The following RNF213 variants were observed in gnomAD, a reference collection of about 807,000 sequenced individuals.
RNF213 encodes the protein ring finger protein 213.
A neutral mutation model predicts 514.4 loss-of-function variants in RNF213; 341 were observed. The ratio of observed to expected loss-of-function variants is 0.66; its 90% CI spans 0.61 to 0.73. The LOEUF (loss-of-function observed/expected upper bound fraction) is 0.73. RNF213 is among the 30% of genes least tolerant of loss of function. RNF213 has a pLI of 0.00. For missense variants in RNF213, 5,767 were observed against 6,615.6 expected (o/e 0.87, Z 4.45); for synonymous variants, 2,655 against 2,658.2 (o/e 1.00, Z 0.04).
chr17:80,381,047 A>G (rs2079979027), intron 56 of RNF213, 60 bp downstream of exon 56: 3 of 1,570,204 alleles, frequency 1.9e-6, no homozygotes, highest in African/African-American at 1.3e-5. Flanking sequence ...GCTTCTTCCC[A>G]GGGAGTCCTT....
Position 80,350,740 on chromosome 17 carries a change from A to G in RNF213, c.10184+344A>G, listed in dbSNP as rs566965878. Among the ~76,000 whole-genome samples, 239 of 152,366 alleles carry G rather than the reference A, an allele frequency of 1.6e-3. 2 individuals are homozygous for G. Among genetic ancestry groups the G allele is most frequent in the Non-Finnish European group, 2.1e-3 (146 of 68,040 alleles). ...CTTGAGCCTGGGAGGTCAAGGCTGC[A>G]GTGAACTGCGATCCCACCACTGCAG... On this transcript the variant is annotated intron_variant, in intron 31 of 67. Coordinates refer to ENST00000582970, the MANE Select transcript of RNF213 (RefSeq NM_001256071.3).
rs144367158 is a variant in RNF213, at chr17:80,386,849, C to A, written c.14880C>A (p.Ile4960=). 2 of 1,613,902 alleles carry A rather than the reference C, an allele frequency of 1.2e-6. No homozygotes were observed. Among genetic ancestry groups the A allele is most frequent in the South Asian group, 2.2e-5 (2 of 91,064 alleles). ...ATCTGGAGAAGATTCAGCGGCAGAT[C>A]GTCAGCCGCTTCCTCCAGGGCAAGC... ...EFDLEKIQRQ[I]VSRFLQGKPR... is the part of the protein sequence containing the mutation. Residue 4960 remains isoleucine, a synonymous_variant, in exon 63 of 68, where the codon ATC becomes ATA. Coordinates refer to ENST00000582970, the MANE Select transcript of RNF213 (RefSeq NM_001256071.3).
Position 80,358,341 on chromosome 17 carries a change from TG to T in RNF213, c.10917del (p.Met3639IlefsTer11). ...GCTGTCACCCCTCTGCTGGCGAGCA[TG>T]ATATCATTCATCGACAGAGACGGCA... ...QGAVTPLLAS[M>X]ISFIDRDGNL... On this transcript the variant is annotated frameshift_variant, in exon 37 of 68. Transcript: ENST00000582970. LOFTEE classifies it high-confidence loss of function. 1 of 1,614,092 alleles carries T rather than the reference TG, an allele frequency of 6.2e-7. No individual in the cohort carries two copies. The highest frequency in any genetic ancestry group is 8.5e-7 in the Non-Finnish European group (1 of 1,180,012).
At chr17:80,381,842 T>TTG in intron 57 of RNF213, 115 bp downstream of exon 57, 1 of 1,011,190 alleles carries the variant, frequency 9.9e-7, no homozygotes, top group South Asian at 1.4e-5. Context: ...GTCTGTGCTG[T>TTG]TGCTGGAAAG....
chr17:80,278,868 C>A (rs1244520442), intron 3 of RNF213: 28 of 1,537,104 alleles, frequency 1.8e-5, no homozygotes, highest in Non-Finnish European at 2.2e-5. Flanking sequence ...AGGATGCAGC[C>A]CCGCTTGAGG....
chr17:80,392,004 G>C (rs2080494798), intron 67 of RNF213, among the ~76,000 whole-genome samples: 1 of 151,898 alleles, frequency 6.6e-6, no homozygotes. Context: ...CTGACCTCAA[G>C]TGATCTGCCC....
chr17:80,291,632 T>G lies in RNF213; in HGVS notation c.1276T>G (p.Leu426Val). 6.2e-7 allele frequency: 1 copy of G among 1,614,232 alleles called. No individual in the cohort carries two copies. Among genetic ancestry groups the G allele is most frequent in the South Asian group, 1.1e-5 (1 of 91,090 alleles). The change falls in exon 8 of 68, where the codon TTG (leucine) becomes GTG (valine). Residue 426 changes from leucine to valine, a missense_variant. By Grantham distance (32) the Leu-to-Val change is conservative (BLOSUM62 1). Transcript: ENST00000582970. Reference protein sequence around the residue: ...NICELHYTRDLGHDRVLVEGI... With the variant: ...NICELHYTRDVGHDRVLVEGI... ...CCGTATCCTGTTCATTCACAGAGACTTGGGTCATGACCGCGTTCTTGTTGA... is the reference window on the plus strand; with the variant it reads ...CCGTATCCTGTTCATTCACAGAGACGTGGGTCATGACCGCGTTCTTGTTGA...
At chr17:80,305,864 C>G (rs1406933610) in intron 11 of RNF213, among the ~76,000 whole-genome samples, 1 of 152,172 alleles carries the variant, frequency 6.6e-6, no homozygotes, top group Non-Finnish European at 1.5e-5. Context: ...AACTGATCCA[C>G]CTGCCTCAGC....
chr17:80,314,175 GTGA>G (rs2045732100), intron 15 of RNF213, among the ~76,000 whole-genome samples: 1 of 122,332 alleles, frequency 8.2e-6, no homozygotes, highest in Admixed American at 7.5e-5. Context: ...GATGGTGGAG[GTGA>G]TGGTGGTGGT....
At chr17:80,386,953 G>A (rs1189827840) in intron 63 of RNF213, 62 bp downstream of exon 63, 3 of 1,498,568 alleles carry the variant, frequency 2.0e-6, no homozygotes, top group African/African-American at 1.4e-5. Flanking sequence ...AGCAGCCCTT[G>A]GTGTGTTTCT....
At position 80,307,174 on chromosome 17, in the gene RNF213, T is replaced by C; in HGVS notation, c.2474T>C (p.Leu825Ser). 6.2e-7 allele frequency: 1 copy of C among 1,613,930 alleles called. No homozygotes were observed. Among genetic ancestry groups the C allele is most frequent in the Non-Finnish European group, 8.5e-7 (1 of 1,179,924 alleles). The change falls in exon 13 of 68, where the codon TTG becomes TCG. Residue 825 changes from leucine to serine, a missense_variant. Leu to Ser is a moderately radical substitution (Grantham distance 145). This residue lies in a region of RNF213 where 592 missense variants were observed against 673.9 expected (regional missense o/e 0.88). Transcript: ENST00000582970. ...GTTCAGAACATTTTAGAAATGCTGT[T>C]GCGACTCCTGGACACTTACCGGGAC... ...QNVQNILEML[L>S]RLLDTYRDKI...
At chr17:80,366,576 G>A (rs1295911563) in intron 42 of RNF213, among the ~76,000 whole-genome samples, 1 of 151,954 alleles carries the variant, frequency 6.6e-6, no homozygotes, top group African/African-American at 2.4e-5. Context: ...TTTTTGAATT[G>A]GGTTGTTGAT....
Position 80,345,146 on chromosome 17 carries a change from G to A in RNF213, c.6811G>A (p.Asp2271Asn). 1.2e-6 allele frequency: 2 copies of A among 1,613,980 alleles called. No homozygotes were observed. Among genetic ancestry groups the A allele is most frequent in the Non-Finnish European group, 1.7e-6 (2 of 1,179,994 alleles). ...DFATPSLHTS[D>N]QSPGKHMVTM... is the part of the protein sequence containing the mutation. ...TGCCACACCATCACTCCACACCTCT[G>A]ACCAAAGCCCGGGGAAGCACATGGT... Residue 2271 changes from aspartate to asparagine, a missense_variant, in exon 29 of 68, where the codon GAC (aspartate) becomes AAC (asparagine). Coordinates refer to ENST00000582970, the MANE Select transcript of RNF213 (RefSeq NM_001256071.3). The surrounding 1 kb of genome is among the most constrained non-coding windows in gnomAD (Gnocchi z 6.0).
intron 32 of RNF213, chr17:80,352,677 A>G (rs145622326): frequency 1.2e-4 from 78 of 627,480 alleles, no homozygotes; most frequent in African/African-American, 1.1e-3. Flanking sequence ...GGCCTTATCC[A>G]TGCGTCCTTC....
rs1028643944 is a variant in RNF213 at position 80,293,282 on chromosome 17, G to A, written c.1472-1438G>A. 7.3e-5 allele frequency among the ~76,000 whole-genome samples: 11 copies of A among 151,590 alleles called. 1 individual carries two copies. The highest frequency in any genetic ancestry group is 1.3e-4 in the Admixed American group (2 of 15,224). ...TTGCTGTGTTGCCCAGTCTGGTCTC[G>A]AACTCCTGGGCTCAAGCAATCCGCC... On this transcript the variant is annotated intron_variant, in intron 8 of 67. Transcript: ENST00000582970.
At chr17:80,340,384 C>A in intron 26 of RNF213, 28 bp downstream of exon 26, 2 of 1,581,722 alleles carry the variant, frequency 1.3e-6, no homozygotes, top group Non-Finnish European at 1.7e-6. Flanking sequence ...GTGGGCAGGC[C>A]CCGTCTCCCA....
intron 50 of RNF213, among the ~76,000 whole-genome samples, chr17:80,375,536 C>T (rs1404378208): frequency 3.7e-5 from 4 of 108,998 alleles, no homozygotes; most frequent in Non-Finnish European, 9.1e-5. Flanking sequence ...CCCGTGTCTA[C>T]TAAAAGAAAA....
intron 60 of RNF213, among the ~76,000 whole-genome samples, 161 bp from the exon 61 acceptor site, chr17:80,385,377 G>T (rs908358129): frequency 2.6e-5 from 4 of 152,164 alleles, no homozygotes; most frequent in African/African-American, 9.7e-5. Context: ...TCCCTCTCTA[G>T]CTCCTCAAAC....
At chr17:80,391,617 G>A (rs767419604) in intron 67 of RNF213, among the ~76,000 whole-genome samples, 2 of 151,830 alleles carry the variant, frequency 1.3e-5, no homozygotes, top group Non-Finnish European at 2.9e-5. Context: ...ATAGAACAGG[G>A]GTTCATCTTC....
Sources: gnomAD v4.1 joint callset for allele counts (sites outside exome capture counted in the v4.1 genomes callset) on GRCh38, gnomAD v4.1.1 for gene constraint, gnomAD v4.1.1 regional missense constraint, Gnocchi (gnomAD v3.1) non-coding constraint, MANE v1.5 for transcripts, NCBI Gene and HGNC (gene_info 2026-07-23, HGNC 2026-07-21) for gene names.